The following BAIAP2 variants were observed in gnomAD, a reference collection of about 807,000 sequenced individuals.
BAIAP2 encodes the protein BAR/IMD domain containing adaptor protein 2, also known as BAR/IMD domain-containing adapter protein 2.
Under a neutral mutation model 63.0 loss-of-function variants are expected in BAIAP2, and 18 were observed. That is an observed-to-expected ratio of 0.29 (90% CI 0.20 to 0.42). The LOEUF is 0.42. Among genes scored for constraint, BAIAP2 ranks in the 10% least tolerant of loss-of-function variants. BAIAP2 has a pLI of 1.00. For synonymous variants in BAIAP2, 386 were observed against 307.6 expected, an observed-to-expected ratio of 1.25 and a Z score of -2.67; for missense variants, 610 against 734.3, an observed-to-expected ratio of 0.83 and a Z score of 1.96.
chr17:81,102,068 G>A (rs2058566128), intron 7 of BAIAP2, among the ~76,000 whole-genome samples: 2 of 151,170 alleles, frequency 1.3e-5, no homozygotes, highest in South Asian at 4.5e-4. Context: ...AGGGGTTGCG[G>A]GATGTGCCTG....
At chr17:81,042,437 T>G (rs2047216025) in intron 1 of BAIAP2, among the ~76,000 whole-genome samples, 1 of 152,146 alleles carries the variant, frequency 6.6e-6, no homozygotes, top group Non-Finnish European at 1.5e-5. Flanking sequence ...ATTACATGTG[T>G]GAGCAAACGC....
intron 6 of BAIAP2, among the ~76,000 whole-genome samples, chr17:81,098,987 TCCCCCCATCCCCC>T (rs2058102066): frequency 1.0e-4 from 5 of 47,940 alleles, no homozygotes; most frequent in Non-Finnish European, 2.3e-4. Flanking sequence ...CATCCCCCCA[TCCCCCCATCCCCC>T]CATCCCACGG....
intron 1 of BAIAP2, among the ~76,000 whole-genome samples, chr17:81,049,650 C>T (rs1022456571): frequency 1.4e-4 from 21 of 152,222 alleles, no homozygotes; most frequent in Non-Finnish European, 5.9e-5. Flanking sequence ...GGAAAAGCCA[C>T]GTCGGTGTGG....
chr17:81,088,741 CATCGTGTGGGT>C (rs2056174920), intron 6 of BAIAP2, among the ~76,000 whole-genome samples: 1 of 152,268 alleles, frequency 6.6e-6, no homozygotes, highest in Non-Finnish European at 1.5e-5. Context: ...AATCGTGTTC[CATCGTGTGGGT>C]ACCGGAGGCT....
At chr17:81,040,304 G>A (rs559469159) in intron 1 of BAIAP2, among the ~76,000 whole-genome samples, 63 of 152,342 alleles carry the variant, frequency 4.1e-4, no homozygotes, top group Admixed American at 3.7e-3. Flanking sequence ...TTGGGCGGCC[G>A]GCGCCGTCAG....
At chr17:81,066,364 T>A (rs2051464349) in intron 3 of BAIAP2, among the ~76,000 whole-genome samples, 1 of 152,238 alleles carries the variant, frequency 6.6e-6, no homozygotes, top group South Asian at 2.1e-4. Context: ...TGCCTGAAAC[T>A]GTGGGCTGGA....
At chr17:81,042,935 G>GT (rs1485148425) in intron 1 of BAIAP2, among the ~76,000 whole-genome samples, 1 of 152,058 alleles carries the variant, frequency 6.6e-6, no homozygotes, top group Non-Finnish European at 1.5e-5. Context: ...CCAGGCTGGA[G>GT]TGCAGTGGTG....
intron 3 of BAIAP2, among the ~76,000 whole-genome samples, chr17:81,074,268 G>A (rs568751434): frequency 4.1e-5 from 3 of 74,002 alleles, no homozygotes; most frequent in Non-Finnish European, 1.1e-4. Context: ...GCTGAAAAAA[G>A]TGCCTGTGTG....
At chr17:81,102,608 T>G (rs1308347771) in intron 7 of BAIAP2, among the ~76,000 whole-genome samples, 1 of 152,210 alleles carries the variant, frequency 6.6e-6, no homozygotes, top group African/African-American at 2.4e-5. Context: ...ACCCCTGGTC[T>G]GAGCCAGCAG....
chr17:81,050,660 T>A (rs544362542), intron 1 of BAIAP2, among the ~76,000 whole-genome samples: 6 of 151,598 alleles, frequency 4.0e-5, no homozygotes, highest in African/African-American at 1.4e-4. Context: ...GGTAGTGTTT[T>A]CATACCTGTG....
chr17:81,109,372 TAA>T (rs747875777), intron 13 of BAIAP2: 19,707 of 872,034 alleles, frequency 0.023, 15 homozygotes, highest in South Asian at 0.036. Context: ...AGAAAAATCT[TAA>T]AAAAAAAAAA....
Position 81,053,762 on chromosome 17 carries a change from C to T in BAIAP2, c.130+19C>T. 1 of 1,613,424 alleles carries T rather than the reference C, an allele frequency of 6.2e-7. No individual in the cohort carries two copies. Among genetic ancestry groups the T allele is most frequent in the Non-Finnish European group, 8.5e-7 (1 of 1,179,784 alleles). ...CTGGCAGGTGGAACTGCGCCCGGGC[C>T]CCGTGGGGTGGGAGCTGCCTCCTGA... On this transcript the variant is annotated intron_variant, in intron 2 of 13. Coordinates refer to ENST00000428708, the MANE Select transcript of BAIAP2 (RefSeq NM_001144888.2).
At chr17:81,081,097 G>A (rs1330062815) in intron 3 of BAIAP2, among the ~76,000 whole-genome samples, 3 of 152,206 alleles carry the variant, frequency 2.0e-5, no homozygotes. Context: ...ACCCCAACTC[G>A]GCTGAAGCCA....
chr17:81,109,946 C>A (rs1291739167), intron 13 of BAIAP2: 4 of 985,324 alleles, frequency 4.1e-6, no homozygotes, highest in East Asian at 2.3e-4. Flanking sequence ...CCACGCCCCC[C>A]ACCTGGGGGA....
At chr17:81,090,822 C>T (rs969702858) in intron 6 of BAIAP2, among the ~76,000 whole-genome samples, 2 of 134,614 alleles carry the variant, frequency 1.5e-5, no homozygotes, top group Non-Finnish European at 3.3e-5. Context: ...CCTCGCTGCT[C>T]CAGGCCCCTT....
At chr17:81,081,747 G>A (rs977996041) in intron 3 of BAIAP2, among the ~76,000 whole-genome samples, 3 of 152,104 alleles carry the variant, frequency 2.0e-5, no homozygotes, top group Non-Finnish European at 4.4e-5. Context: ...GTGGTTTGCC[G>A]CTGATCCCCA....
At chr17:81,073,599 G>A (rs918440954) in intron 3 of BAIAP2, among the ~76,000 whole-genome samples, 4 of 152,280 alleles carry the variant, frequency 2.6e-5, no homozygotes, top group South Asian at 2.1e-4. Context: ...TGAGGACGAC[G>A]ATCTGCACAG....
chr17:81,094,178 TCTC>T (rs761980987), intron 6 of BAIAP2, among the ~76,000 whole-genome samples: 10 of 151,988 alleles, frequency 6.6e-5, no homozygotes, highest in Non-Finnish European at 1.3e-4. Context: ...AGCCCCCACT[TCTC>T]CTGCATCTTG....
At chr17:81,111,444 C>T (rs905211013) in intron 13 of BAIAP2, among the ~76,000 whole-genome samples, 2 of 152,208 alleles carry the variant, frequency 1.3e-5, no homozygotes, top group African/African-American at 4.8e-5. Flanking sequence ...GGCACTGGAG[C>T]CAGGTGTTGG....
Sources: allele counts gnomAD v4.1 joint callset (sites outside exome capture counted in the v4.1 genomes callset), GRCh38; gene constraint gnomAD v4.1.1; transcripts MANE v1.5; gene names NCBI Gene and HGNC (gene_info 2026-07-23, HGNC 2026-07-21).